Variants in EYS observed in about 807,000 individuals in gnomAD.
EYS encodes the protein protein eyes shut homolog.
EYS carries 250 observed loss-of-function variants against 282.1 expected under a neutral mutation model. The observed-to-expected ratio is 0.89, with a 90% confidence interval of 0.80 to 0.98. The LOEUF (loss-of-function observed/expected upper bound fraction) is 0.98, where lower values mean the gene tolerates loss of function less well. EYS is among the 50% of genes least tolerant of loss of function. EYS has a pLI of 0.00. For synonymous variants in EYS, 1,355 were observed against 1,282.9 expected, an observed-to-expected ratio of 1.06 and a Z score of -1.20; for missense variants, 4,016 against 3,709.0, an observed-to-expected ratio of 1.08 and a Z score of -2.15.
intron 31 of EYS, among the ~76,000 whole-genome samples, chr6:64,228,346 C>T (rs1582454999): frequency 1.3e-5 from 2 of 152,218 alleles, no homozygotes; most frequent in African/African-American, 4.8e-5. Context: ...TATACTGAAA[C>T]ATTTTCCAAA....
intron 12 of EYS, among the ~76,000 whole-genome samples, chr6:65,285,986 A>G (rs988341199): frequency 2.0e-5 from 3 of 151,870 alleles, no homozygotes; most frequent in Non-Finnish European, 4.4e-5. Context: ...GTTAACACCA[A>G]AATTTTTCTG....
At chr6:65,524,102 C>A (rs1767470770) in intron 2 of EYS, among the ~76,000 whole-genome samples, 1 of 152,162 alleles carries the variant, frequency 6.6e-6, no homozygotes, top group Admixed American at 6.5e-5. Context: ...AAACTCCCAA[C>A]CTCAGATGAT....
intron 30 of EYS, among the ~76,000 whole-genome samples, chr6:64,243,231 A>C (rs1766895028): frequency 6.6e-6 from 1 of 152,050 alleles, no homozygotes; most frequent in African/African-American, 2.4e-5. Flanking sequence ...TTTCATACAA[A>C]TACATATCAT....
At chr6:65,312,916 G>C (rs1290535222) in intron 11 of EYS, among the ~76,000 whole-genome samples, 2 of 151,978 alleles carry the variant, frequency 1.3e-5, no homozygotes, top group Non-Finnish European at 1.5e-5. Context: ...GAAGACCTGG[G>C]ATCTTCAGAT....
intron 16 of EYS, among the ~76,000 whole-genome samples, chr6:64,902,879 A>T (rs992647326): frequency 6.6e-6 from 1 of 152,166 alleles, no homozygotes; most frequent in Non-Finnish European, 1.5e-5. Context: ...TTCAATGATC[A>T]AATTTATTCA....
At chr6:64,324,302 T>G (rs1238541457) in intron 29 of EYS, among the ~76,000 whole-genome samples, 1 of 152,220 alleles carries the variant, frequency 6.6e-6, no homozygotes, top group African/African-American at 2.4e-5. Flanking sequence ...GTAGGCTTTA[T>G]TTTTGGGATG....
chr6:65,270,837 C>A (rs143028063), intron 12 of EYS, among the ~76,000 whole-genome samples: 97 of 151,918 alleles, frequency 6.4e-4, no homozygotes, highest in African/African-American at 2.2e-3. Context: ...TCGTTTTCAC[C>A]TGAGACCATA....
At chr6:63,904,190 T>G (rs1773720528) in intron 35 of EYS, among the ~76,000 whole-genome samples, 1 of 152,202 alleles carries the variant, frequency 6.6e-6, no homozygotes, top group African/African-American at 2.4e-5. Flanking sequence ...TGTCCTTGCT[T>G]CATGCTCTTG....
At chr6:63,863,676 T>TTTTTTTTTC (rs1772598409) in intron 36 of EYS, among the ~76,000 whole-genome samples, 1 of 56,268 alleles carries the variant, frequency 1.8e-5, no homozygotes, top group Non-Finnish European at 3.4e-5. Context: ...TTCTTTTTTC[T>TTTTTTTTTC]TTTTTTTTTT....
At chr6:64,682,730 C>T (rs75323248) in intron 22 of EYS, among the ~76,000 whole-genome samples, 7 of 152,116 alleles carry the variant, frequency 4.6e-5, no homozygotes, top group Non-Finnish European at 2.9e-5. Flanking sequence ...GGTTGAACAT[C>T]GCACTTGGCC....
At chr6:64,386,768 T>C (rs997520190) in intron 29 of EYS, among the ~76,000 whole-genome samples, 1 of 152,200 alleles carries the variant, frequency 6.6e-6, no homozygotes, top group Non-Finnish European at 1.5e-5. Flanking sequence ...TTAAGTTCAA[T>C]AGCATTCATA....
intron 30 of EYS, among the ~76,000 whole-genome samples, chr6:64,257,507 G>T (rs1767439390): frequency 6.6e-6 from 1 of 151,912 alleles, no homozygotes; most frequent in African/African-American, 2.4e-5. Flanking sequence ...TATATTATTA[G>T]AATTATCTAT....
intron 12 of EYS, among the ~76,000 whole-genome samples, chr6:65,079,733 A>G (rs1034973012): frequency 1.3e-5 from 2 of 152,110 alleles, no homozygotes; most frequent in Non-Finnish European, 2.9e-5. Context: ...TATTACTAAG[A>G]ATATGTTTTA....
Position 64,361,143 on chromosome 6 carries a change from C to T in EYS, c.6078+27547G>A, listed in dbSNP as rs192335463. Among the ~76,000 whole-genome samples the T allele has an allele frequency of 8.0e-3, 1,220 of 151,712 alleles. 4 individuals carry two copies. The highest frequency in any genetic ancestry group is 0.014 in the Middle Eastern group (4 of 292). ...ACTATATATTTTGATTATCACATCA[C>T]TGTGCTAAGAAGTATAAGAATACAT... On this transcript the variant is annotated intron_variant, in intron 29 of 42. Transcript: ENST00000503581.
intron 19 of EYS, among the ~76,000 whole-genome samples, chr6:64,824,767 A>T (rs1765001012): frequency 6.6e-6 from 1 of 151,898 alleles, no homozygotes. Flanking sequence ...TGTTTTTGAA[A>T]TGTTCTCTCC....
At chr6:63,747,678 T>C (rs550829080) in intron 41 of EYS, among the ~76,000 whole-genome samples, 1 of 152,326 alleles carries the variant, frequency 6.6e-6, no homozygotes, top group South Asian at 2.1e-4. Context: ...TCTTGTTGGA[T>C]TGATCCCTTT....
chr6:65,022,432 C>G (rs1457036036), intron 13 of EYS, among the ~76,000 whole-genome samples: 1 of 152,164 alleles, frequency 6.6e-6, no homozygotes, highest in Non-Finnish European at 1.5e-5. Flanking sequence ...AAGAGGAGTA[C>G]TGATGATGAC....
At chr6:64,779,443 C>A (rs6940561) in intron 22 of EYS, among the ~76,000 whole-genome samples, 2,842 of 152,008 alleles carry the variant, frequency 0.019, 67 homozygotes, top group African/African-American at 0.065. Flanking sequence ...AAAGAAAAAA[C>A]CATGGAGACT....
chr6:64,307,697 G>T (rs1486862955), intron 29 of EYS, among the ~76,000 whole-genome samples: 2 of 152,040 alleles, frequency 1.3e-5, no homozygotes, highest in African/African-American at 2.4e-5. Context: ...TTTGGTGAAT[G>T]AATAGATTTT....
Sources: gnomAD v4.1 joint callset for allele counts (sites outside exome capture counted in the v4.1 genomes callset) on GRCh38, gnomAD v4.1.1 for gene constraint, MANE v1.5 for transcripts, NCBI Gene and HGNC (gene_info 2026-07-23, HGNC 2026-07-21) for gene names.